The following MAL2 variants were observed in gnomAD, a reference collection of about 807,000 sequenced individuals.
The protein encoded by MAL2 is protein MAL2.
Under a neutral mutation model 18.1 loss-of-function variants are expected in MAL2, and 17 were observed. That is an observed-to-expected ratio of 0.94 (90% confidence interval 0.64 to 1.41). The LOEUF is 1.41. Among genes scored for constraint, MAL2 ranks in the 40% most tolerant of loss-of-function variants. The pLI is 0.00. For synonymous variants in MAL2, 102 were observed against 102.3 expected, an observed-to-expected ratio of 1.00 and a Z score of 0.02; for missense variants, 222 against 231.9, an observed-to-expected ratio of 0.96 and a Z score of 0.28.
chr8:119,217,407 G>A (rs1317660587), intron 1 of MAL2, among the ~76,000 whole-genome samples: 3 of 152,154 alleles, frequency 2.0e-5, no homozygotes, highest in African/African-American at 2.4e-5. Flanking sequence ...CTGAGTCACC[G>A]GGAGATGCTG....
At position 119,229,313 on chromosome 8, in the gene MAL2, CTTTTTTT is replaced by C. The variant is rs60554580; in HGVS notation, c.303+7567_303+7573del. Among the ~76,000 whole-genome samples, 636 of 137,458 alleles carry C rather than the reference CTTTTTTT, an allele frequency of 4.6e-3. 8 individuals carry two copies. Among genetic ancestry groups the C allele is most frequent in the African/African-American group, 0.015 (560 of 36,584 alleles). The allele number at this position is 137,458 out of a possible 152,430, so 90.2% of individuals were successfully genotyped here. On this transcript the variant is annotated intron_variant, in intron 2 of 3. Coordinates refer to ENST00000614891, the MANE Select transcript of MAL2 (RefSeq NM_052886.3). ...CTATGTATATTCTCACTGTGGGCCTCTTTTTTTTTTTTTTTTTGAGACAGAGTCTTGC... is the reference window on the plus strand; with the variant it reads ...CTATGTATATTCTCACTGTGGGCCTCTTTTTTTTTTGAGACAGAGTCTTGC...
chr8:119,219,552 T>TGA (rs1817428260), intron 1 of MAL2, among the ~76,000 whole-genome samples: 1 of 128,462 alleles, frequency 7.8e-6, no homozygotes. Context: ...TGTGTGTGTG[T>TGA]GTGAGAGAGA....
At chr8:119,215,377 C>T (rs919149716) in intron 1 of MAL2, 4 of 152,190 alleles carry the variant, frequency 2.6e-5, no homozygotes, top group Admixed American at 1.3e-4. Flanking sequence ...TGGAACCATT[C>T]ATTACACATG....
chr8:119,232,969 C>T (rs1817767707), intron 2 of MAL2, among the ~76,000 whole-genome samples: 1 of 151,182 alleles, frequency 6.6e-6, no homozygotes, highest in Non-Finnish European at 1.5e-5. Context: ...GTTATAATTT[C>T]TGATCTTTTA....
intron 2 of MAL2, among the ~76,000 whole-genome samples, chr8:119,227,334 G>A (rs1367470068): frequency 1.3e-5 from 2 of 152,106 alleles, no homozygotes; most frequent in Non-Finnish European, 1.5e-5. Context: ...ATTGTTTAAG[G>A]GAAAGGGGAG....
chr8:119,226,059 T>C (rs866764865), intron 2 of MAL2, among the ~76,000 whole-genome samples: 20 of 152,284 alleles, frequency 1.3e-4, no homozygotes, highest in African/African-American at 4.8e-4. Context: ...TCTCCCATTC[T>C]GTAAAAAATT....
chr8:119,216,593 C>T (rs1285491042), intron 1 of MAL2, among the ~76,000 whole-genome samples: 1 of 152,162 alleles, frequency 6.6e-6, no homozygotes, highest in Non-Finnish European at 1.5e-5. Flanking sequence ...CTCTACAAGC[C>T]AGACTGGAAG....
In MAL2 at chr8:119,208,755, T is replaced by G. The variant is rs1817225830; in HGVS notation, c.132+151T>G. 1 of 1,153,598 alleles carries G rather than the reference T, an allele frequency of 8.7e-7. No homozygotes were observed. The highest frequency in any genetic ancestry group is 1.1e-6 in the Non-Finnish European group (1 of 923,514). 71.5% of individuals were successfully genotyped at this position (1,153,598 alleles called of 1,614,324 possible). The stretch of plus-strand genomic sequence containing the variant: ...GCGCTCCCTCCCGGGGTCCTCTCGG[T>G]GCCCCGCGCCGCCGCCCGGGCCCTC... On this transcript the variant is annotated intron_variant, in intron 1 of 3. Transcript: ENST00000614891. The surrounding 1 kb of genome is among the most constrained non-coding windows in gnomAD (Gnocchi z 4.3).
At chr8:119,225,057 GC>G (rs1332481634) in intron 2 of MAL2, among the ~76,000 whole-genome samples, 1 of 151,606 alleles carries the variant, frequency 6.6e-6, no homozygotes, top group Non-Finnish European at 1.5e-5. Flanking sequence ...AGACGATGCA[GC>G]TTTTTTTTTT....
intron 3 of MAL2, among the ~76,000 whole-genome samples, chr8:119,240,789 A>C (rs1312722952): frequency 2.0e-5 from 3 of 152,322 alleles, no homozygotes; most frequent in Admixed American, 2.0e-4. Flanking sequence ...AGTTCCTGCC[A>C]TTAAGGAAAG....
intron 2 of MAL2, among the ~76,000 whole-genome samples, chr8:119,225,202 G>T (rs1817560402): frequency 6.6e-6 from 1 of 152,098 alleles, no homozygotes; most frequent in Non-Finnish European, 1.5e-5. Flanking sequence ...CATGTGCCAG[G>T]TTGGTGTGCT....
At chr8:119,233,177 G>A (rs1389303076) in intron 2 of MAL2, among the ~76,000 whole-genome samples, 1 of 152,172 alleles carries the variant, frequency 6.6e-6, no homozygotes, top group Non-Finnish European at 1.5e-5. Flanking sequence ...AAAGCAGTGT[G>A]TAGAGGGAAA....
rs764266773 is a variant in MAL2 at position 119,211,549 on chromosome 8, C to T, written c.132+2945C>T. 6.6e-5 allele frequency among the ~76,000 whole-genome samples: 10 copies of T among 152,134 alleles called. No homozygotes were observed. In the South Asian group the frequency reaches 8.3e-4, roughly 13 times the overall value. Reference sequence around the variant, plus strand: ...AGTATTCATTCCCAATTCCCCTTAACGTATTCTATTCACAGCCTGTCAGAT... The same window carrying T: ...AGTATTCATTCCCAATTCCCCTTAATGTATTCTATTCACAGCCTGTCAGAT... On this transcript the variant is annotated intron_variant, in intron 1 of 3. Transcript: ENST00000614891.
At chr8:119,230,082 G>GTGTC (rs1483678137) in intron 2 of MAL2, among the ~76,000 whole-genome samples, 4 of 152,138 alleles carry the variant, frequency 2.6e-5, no homozygotes, top group Non-Finnish European at 4.4e-5. Context: ...CTGGCCACTG[G>GTGTC]TGTCAAGTGT....
intron 2 of MAL2, among the ~76,000 whole-genome samples, chr8:119,234,048 C>G (rs943315824): frequency 5.9e-5 from 9 of 152,128 alleles, no homozygotes; most frequent in African/African-American, 2.2e-4. Flanking sequence ...TCTGAGGTAC[C>G]GGGTTCATCT....
At chr8:119,222,093 C>CGCA (rs1817475212) in intron 2 of MAL2, among the ~76,000 whole-genome samples, 1 of 152,020 alleles carries the variant, frequency 6.6e-6, no homozygotes, top group Non-Finnish European at 1.5e-5. Flanking sequence ...TAAACATTGT[C>CGCA]GCATCTTGAA....
intron 2 of MAL2, among the ~76,000 whole-genome samples, chr8:119,235,324 T>C (rs559638774): frequency 4.3e-4 from 65 of 152,250 alleles, no homozygotes; most frequent in African/African-American, 1.5e-3. Context: ...CTACGTCTGA[T>C]TGGGGTACCT....
At chr8:119,234,216 G>A (rs1017416439) in intron 2 of MAL2, among the ~76,000 whole-genome samples, 1 of 152,128 alleles carries the variant, frequency 6.6e-6, no homozygotes, top group African/African-American at 2.4e-5. Flanking sequence ...CGGGAAAATC[G>A]GGTCACTCCC....
chr8:119,220,461 A>G (rs1376247283), intron 1 of MAL2, among the ~76,000 whole-genome samples: 1 of 152,016 alleles, frequency 6.6e-6, no homozygotes, highest in Admixed American at 6.6e-5. Context: ...TCCCCAGTCC[A>G]TTCTCACATT....
Sources: gnomAD v4.1 joint callset for allele counts (sites outside exome capture counted in the v4.1 genomes callset) on GRCh38, gnomAD v4.1.1 for gene constraint, Gnocchi (gnomAD v3.1) non-coding constraint, MANE v1.5 for transcripts, NCBI Gene and HGNC (gene_info 2026-07-23, HGNC 2026-07-21) for gene names.